CADPS2: variants seen among roughly 807,000 people sequenced by gnomAD.
CADPS2 encodes the protein calcium dependent secretion activator 2, also known as calcium-dependent secretion activator 2.
Under a neutral mutation model 172.5 loss-of-function variants are expected in CADPS2, and 93 were observed. The observed-to-expected ratio is 0.54, with a 90% confidence interval of 0.46 to 0.64. The LOEUF is 0.64. Ranked by LOEUF, CADPS2 falls within the 30% of genes least tolerant of loss-of-function variation. The probability of loss-of-function intolerance (pLI) is 0.00; values close to 1 mark genes in which losing one functional copy is unlikely to be tolerated. For synonymous variants in CADPS2, 546 were observed against 555.2 expected (o/e 0.98, Z 0.23); for missense variants, 1,420 against 1,565.9 (o/e 0.91, Z 1.57).
intron 28 of CADPS2, among the ~76,000 whole-genome samples, chr7:122,343,436 C>T (rs2037091084): frequency 6.6e-6 from 1 of 152,158 alleles, no homozygotes; most frequent in South Asian, 2.1e-4. Context: ...CTCCTTAGAG[C>T]CACTTTAGTT....
intron 13 of CADPS2, among the ~76,000 whole-genome samples, chr7:122,472,294 G>GTTT (rs1336304699): frequency 7.1e-6 from 1 of 141,540 alleles, no homozygotes; most frequent in Non-Finnish European, 1.5e-5. Context: ...AGGGGGCAGG[G>GTTT]TAATCATGTA....
At chr7:122,652,243 C>G (rs2079228730) in intron 3 of CADPS2, among the ~76,000 whole-genome samples, 1 of 152,154 alleles carries the variant, frequency 6.6e-6, no homozygotes, top group South Asian at 2.1e-4. Flanking sequence ...AACTCTCTCT[C>G]TCTCTCTACA....
intron 3 of CADPS2, among the ~76,000 whole-genome samples, chr7:122,642,548 C>CTTTT (rs10717947): frequency 2.5e-4 from 37 of 146,152 alleles, no homozygotes; most frequent in African/African-American, 8.0e-4. Flanking sequence ...CACCCAACAG[C>CTTTT]TTTTTTTTTT....
intron 6 of CADPS2, among the ~76,000 whole-genome samples, chr7:122,597,817 T>G (rs1052939090): frequency 6.6e-6 from 1 of 152,262 alleles, no homozygotes; most frequent in Admixed American, 6.5e-5. Context: ...ACTGTGGATT[T>G]TTGTTCCAAT....
intron 17 of CADPS2, chr7:122,427,030 T>C (rs2049249397): frequency 6.6e-6 from 1 of 152,168 alleles, no homozygotes; most frequent in Non-Finnish European, 1.5e-5. Context: ...GTAGGAAAGA[T>C]TCTAGCAAGA....
chr7:122,681,431 C>T (rs1016878018), intron 2 of CADPS2: 39 of 1,538,008 alleles, frequency 2.5e-5, no homozygotes, highest in African/African-American at 2.5e-4. Flanking sequence ...TTAAGAAATT[C>T]GTCATTCGAA....
In CADPS2 at chr7:122,810,268, A is replaced by T. The variant is rs150640523; in HGVS notation, c.340-73200T>A. ...TAAGTGGGAAGGTAAGTAAGGAGGT[A>T]AATAAGGAAGCTTGTGGCTCCTATT... On this transcript the variant is annotated intron_variant, in intron 1 of 29. Coordinates refer to ENST00000449022, the MANE Select transcript of CADPS2 (RefSeq NM_017954.11). Among the ~76,000 whole-genome samples the T allele has an allele frequency of 9.2e-5, 14 of 152,302 alleles. No individual in the cohort carries two copies. In the East Asian group the frequency reaches 2.3e-3, roughly 25 times the overall value.
chr7:122,707,487 T>C (rs948546143), intron 2 of CADPS2, among the ~76,000 whole-genome samples: 2 of 151,908 alleles, frequency 1.3e-5, no homozygotes, highest in Non-Finnish European at 2.9e-5. Context: ...TACAATCACA[T>C]TGCACTGCTC....
At chr7:122,641,588 T>C (rs1175641973) in intron 3 of CADPS2, among the ~76,000 whole-genome samples, 3 of 152,182 alleles carry the variant, frequency 2.0e-5, no homozygotes, top group Admixed American at 1.3e-4. Flanking sequence ...CCTCTATTAT[T>C]TCATTCTAGG....
At chr7:122,623,422 C>T (rs919422595) in intron 4 of CADPS2, among the ~76,000 whole-genome samples, 24 of 152,068 alleles carry the variant, frequency 1.6e-4, no homozygotes, top group African/African-American at 4.8e-4. Context: ...CTTTCAATGT[C>T]GTATGGAGGT....
chr7:122,504,756 G>T (rs2059484510), intron 9 of CADPS2, among the ~76,000 whole-genome samples: 2 of 151,950 alleles, frequency 1.3e-5, no homozygotes, highest in African/African-American at 2.4e-5. Flanking sequence ...ACAGACATGG[G>T]GTCTCACTAC....
At chr7:122,546,044 T>A (rs767890536) in intron 8 of CADPS2, among the ~76,000 whole-genome samples, 1 of 152,208 alleles carries the variant, frequency 6.6e-6, no homozygotes, top group Non-Finnish European at 1.5e-5. Flanking sequence ...GAATTACTAA[T>A]GTACTAACCT....
chr7:122,857,925 G>A (rs925133532), intron 1 of CADPS2, among the ~76,000 whole-genome samples: 1 of 152,140 alleles, frequency 6.6e-6, no homozygotes, highest in African/African-American at 2.4e-5. Flanking sequence ...TGAAGCCAAC[G>A]ACCTTTGTGG....
intron 8 of CADPS2, among the ~76,000 whole-genome samples, chr7:122,529,135 T>C (rs1287945955): frequency 6.6e-6 from 1 of 152,122 alleles, no homozygotes; most frequent in Non-Finnish European, 1.5e-5. Context: ...ACTTGTGAAG[T>C]TGTTCCTTAT....
chr7:122,638,613 C>T (rs542970099), intron 3 of CADPS2, among the ~76,000 whole-genome samples: 1 of 152,280 alleles, frequency 6.6e-6, no homozygotes, highest in East Asian at 1.9e-4. Flanking sequence ...TGAGTGTTGC[C>T]TCTGCAAAAA....
intron 2 of CADPS2, among the ~76,000 whole-genome samples, chr7:122,721,888 T>C (rs923135755): frequency 4.6e-5 from 7 of 152,148 alleles, no homozygotes; most frequent in African/African-American, 4.8e-5. Context: ...TGGTTCAATA[T>C]ACGCGAATCA....
chr7:122,409,285 GAGAC>G (rs1191649303), intron 19 of CADPS2, among the ~76,000 whole-genome samples: 1 of 152,164 alleles, frequency 6.6e-6, no homozygotes, highest in Non-Finnish European at 1.5e-5. Flanking sequence ...GTCCTGCAAA[GAGAC>G]ATTTTCAAAA....
chr7:122,740,011 A>C (rs2137928222), intron 1 of CADPS2, among the ~76,000 whole-genome samples: 1 of 152,304 alleles, frequency 6.6e-6, no homozygotes, highest in South Asian at 2.1e-4. Context: ...CATCAGGGAA[A>C]TGCAAATTAA....
In CADPS2 at chr7:122,729,873, G is replaced by A. The variant is rs190306388; in HGVS notation, c.453+7082C>T. 8.8e-4 allele frequency among the ~76,000 whole-genome samples: 134 copies of A among 151,698 alleles called. 1 individual carries two copies. Among genetic ancestry groups the A allele is most frequent in the African/African-American group, 3.0e-3 (123 of 41,472 alleles). ...CACGAGGGGTGGTAACTGGAATGAA[G>A]AGGAGCAGCAGCAGAGGGAAGTATG... On this transcript the variant is annotated intron_variant, in intron 2 of 29. Transcript: ENST00000449022.
Sources: allele counts gnomAD v4.1 joint callset (sites outside exome capture counted in the v4.1 genomes callset), GRCh38; gene constraint gnomAD v4.1.1; transcripts MANE v1.5; gene names NCBI Gene and HGNC (gene_info 2026-07-23, HGNC 2026-07-21).